DCC: variants seen among roughly 807,000 people sequenced by gnomAD.
The protein encoded by DCC is DCC netrin 1 receptor, also known as netrin receptor DCC.
DCC carries 58 observed loss-of-function variants against 172.5 expected under a neutral mutation model. The observed-to-expected ratio is 0.34, with a 90% confidence interval of 0.27 to 0.42. The LOEUF (loss-of-function observed/expected upper bound fraction) is 0.42. Ranked by LOEUF, DCC falls within the 10% of genes least tolerant of loss-of-function variation. DCC has a pLI of 1.00. For synonymous variants in DCC, 709 were observed against 644.5 expected, an observed-to-expected ratio of 1.10 and a Z score of -1.52; for missense variants, 1,740 against 1,791.0, an observed-to-expected ratio of 0.97 and a Z score of 0.51.
chr18:52,541,014 A>G (rs1210046714), intron 1 of DCC, among the ~76,000 whole-genome samples: 1 of 152,108 alleles, frequency 6.6e-6, no homozygotes, highest in Non-Finnish European at 1.5e-5. Context: ...GTAGTGTTTT[A>G]TTGTCCTAAA....
At chr18:53,244,226 T>C (rs377275816) in intron 12 of DCC, among the ~76,000 whole-genome samples, 2 of 152,168 alleles carry the variant, frequency 1.3e-5, no homozygotes, top group Non-Finnish European at 2.9e-5. Flanking sequence ...TGAAAAATAT[T>C]TCCCTTTAAA....
chr18:53,505,121 TTTTATTCC>T (rs374558757), intron 27 of DCC: 2 of 152,304 alleles, frequency 1.3e-5, no homozygotes, highest in African/African-American at 4.8e-5. Context: ...TGAGTAAACA[TTTTATTCC>T]TTTATGTTGG....
chr18:53,085,957 CTCTTCTTCT>C (rs747047237), intron 7 of DCC, among the ~76,000 whole-genome samples: 5 of 65,900 alleles, frequency 7.6e-5, no homozygotes, highest in South Asian at 6.9e-4. Context: ...GGAGTATTTT[CTCTTCTTCT>C]TCTTCTTCTT....
intron 7 of DCC, among the ~76,000 whole-genome samples, chr18:53,108,468 G>A (rs1246210801): frequency 1.3e-5 from 2 of 151,714 alleles, no homozygotes; most frequent in East Asian, 3.9e-4. Flanking sequence ...TTAGTATAAT[G>A]TAATTTAATT....
intron 27 of DCC, among the ~76,000 whole-genome samples, chr18:53,523,145 G>T (rs1001152721): frequency 6.6e-6 from 1 of 152,122 alleles, no homozygotes; most frequent in Non-Finnish European, 1.5e-5. Flanking sequence ...CATTTATGCA[G>T]CCAACAAACA....
At chr18:52,528,645 A>G (rs553665456) in intron 1 of DCC, among the ~76,000 whole-genome samples, 2 of 151,760 alleles carry the variant, frequency 1.3e-5, no homozygotes, top group East Asian at 2.0e-4. Context: ...TCCTCACCCT[A>G]AGGTTTCATC....
In DCC at chr18:52,460,356, C is replaced by T. The variant is rs771069074; in HGVS notation, c.91+119478C>T. Among the ~76,000 whole-genome samples the T allele has an allele frequency of 3.9e-5, 6 of 152,270 alleles. No individual in the cohort carries two copies. In the South Asian group the frequency reaches 1.0e-3, roughly 26 times the overall value. ...TGATTCTGCTTTTAGCTAACCTCTC[C>T]ATAGCATTTGATCTAGCTGATCACT... On this transcript the variant is annotated intron_variant, in intron 1 of 28. Transcript: ENST00000442544.
intron 5 of DCC, among the ~76,000 whole-genome samples, chr18:52,958,609 A>G (rs1306120053): frequency 6.6e-6 from 1 of 152,138 alleles, no homozygotes; most frequent in Non-Finnish European, 1.5e-5. Context: ...GGGCACGGAC[A>G]ATGAAAATGG....
At chr18:52,824,139 G>A (rs937379298) in intron 2 of DCC, among the ~76,000 whole-genome samples, 7 of 152,114 alleles carry the variant, frequency 4.6e-5, no homozygotes, top group African/African-American at 1.2e-4. Context: ...AGATGGCTTC[G>A]ACACACGGAA....
At chr18:53,068,302 G>A (rs1204888821) in intron 7 of DCC, among the ~76,000 whole-genome samples, 1 of 151,882 alleles carries the variant, frequency 6.6e-6, no homozygotes. Flanking sequence ...TAGGGTACAT[G>A]TGCATAATGT....
intron 12 of DCC, among the ~76,000 whole-genome samples, chr18:53,281,271 T>G (rs2056868609): frequency 6.6e-6 from 1 of 152,170 alleles, no homozygotes; most frequent in Non-Finnish European, 1.5e-5. Flanking sequence ...TTGCAAGTAC[T>G]AGTAAACTGG....
chr18:53,114,752 G>T (rs1261849891), intron 7 of DCC, among the ~76,000 whole-genome samples: 2 of 151,560 alleles, frequency 1.3e-5, no homozygotes, highest in Non-Finnish European at 3.0e-5. Context: ...AAAAGACCAG[G>T]CCAGGGCTAT....
At chr18:53,099,082 C>T (rs1397709292) in intron 7 of DCC, among the ~76,000 whole-genome samples, 1 of 151,994 alleles carries the variant, frequency 6.6e-6, no homozygotes, top group African/African-American at 2.4e-5. Flanking sequence ...CGGCCTATTC[C>T]TCATGTTCCT....
chr18:52,591,266 TAAAA>T (rs1322421994), intron 1 of DCC, among the ~76,000 whole-genome samples: 3 of 152,096 alleles, frequency 2.0e-5, no homozygotes, highest in African/African-American at 7.2e-5. Flanking sequence ...TTATGGAAAA[TAAAA>T]TAAGTAATCT....
intron 2 of DCC, among the ~76,000 whole-genome samples, chr18:52,766,813 G>A (rs1568089940): frequency 2.0e-5 from 3 of 152,002 alleles, no homozygotes; most frequent in Admixed American, 6.5e-5. Flanking sequence ...TTTAGGTGGT[G>A]ATTTCAGGCT....
chr18:53,061,106 A>G (rs1161484401), intron 5 of DCC, among the ~76,000 whole-genome samples: 1 of 152,162 alleles, frequency 6.6e-6, no homozygotes, highest in Non-Finnish European at 1.5e-5. Flanking sequence ...ATTTGCAAAC[A>G]TTAACTGTCA....
At chr18:53,501,452 T>C (rs183488508) in intron 27 of DCC, among the ~76,000 whole-genome samples, 3 of 152,284 alleles carry the variant, frequency 2.0e-5, no homozygotes, top group Admixed American at 2.0e-4. Context: ...AACGACTAAA[T>C]CATTAAATTA....
chr18:52,772,820 C>G (rs972899475), intron 2 of DCC, among the ~76,000 whole-genome samples: 3 of 152,134 alleles, frequency 2.0e-5, no homozygotes, highest in Admixed American at 2.0e-4. Context: ...TAGTTTCTTG[C>G]CTCTAAAAGT....
At chr18:53,359,517 A>G (rs1166536111) in intron 15 of DCC, among the ~76,000 whole-genome samples, 1 of 152,194 alleles carries the variant, frequency 6.6e-6, no homozygotes, top group Non-Finnish European at 1.5e-5. Context: ...CTGCAGCTAC[A>G]TTGTAGTTGT....
Sources: allele counts gnomAD v4.1 joint callset (sites outside exome capture counted in the v4.1 genomes callset), GRCh38; gene constraint gnomAD v4.1.1; transcripts MANE v1.5; gene names NCBI Gene and HGNC (gene_info 2026-07-23, HGNC 2026-07-21).